Variants in ENTREP2 observed in about 807,000 individuals in gnomAD.
ENTREP2 encodes endosomal transmembrane epsin interactor 2.
the ENTREP2 span, among the ~76,000 whole-genome samples, chr15:29,165,556 A>C: frequency 3.9e-4 from 60 of 152,326 alleles, no homozygotes; most frequent in Non-Finnish European, 6.9e-4. Context: ...GAACACCTTT[A>C]CACACATCAA....
At chr15:29,380,323 C>T in the ENTREP2 span, among the ~76,000 whole-genome samples, 1 of 152,262 alleles carries the variant, frequency 6.6e-6, no homozygotes, top group South Asian at 2.1e-4. Flanking sequence ...CATGGTTACT[C>T]TCATGAAGGA....
chr15:29,463,737 C>G, the ENTREP2 span, among the ~76,000 whole-genome samples: 1 of 152,058 alleles, frequency 6.6e-6, no homozygotes, highest in Non-Finnish European at 1.5e-5. Context: ...AGCAGGAGCT[C>G]TAACAGATAT....
chr15:29,444,347 G>A, the ENTREP2 span, among the ~76,000 whole-genome samples: 24 of 152,296 alleles, frequency 1.6e-4, no homozygotes, highest in African/African-American at 3.8e-4. Flanking sequence ...GTGAAATCAC[G>A]GCTATCCGTT....
the ENTREP2 span, chr15:29,123,638 C>G: frequency 1.9e-6 from 3 of 1,549,234 alleles, no homozygotes; most frequent in Non-Finnish European, 2.6e-6. Flanking sequence ...GCAGCCGTGG[C>G]AGAGCGAGAC....
the ENTREP2 span, among the ~76,000 whole-genome samples, chr15:29,584,181 A>G: frequency 9.0e-6 from 1 of 111,348 alleles, no homozygotes; most frequent in African/African-American, 2.6e-5. Context: ...TTATCCTACA[A>G]ATACAGTAAA....
chr15:29,307,287 C>T, the ENTREP2 span, among the ~76,000 whole-genome samples: 1 of 104,436 alleles, frequency 9.6e-6, no homozygotes, highest in Admixed American at 8.2e-5. Flanking sequence ...CTTCAGCTAA[C>T]ATAAAAAAAA....
the ENTREP2 span, among the ~76,000 whole-genome samples, chr15:29,551,829 C>A: frequency 6.6e-6 from 1 of 152,080 alleles, no homozygotes; most frequent in Non-Finnish European, 1.5e-5. Context: ...AGCAAGTAAA[C>A]AAAACCCTGA....
At chr15:29,241,537 C>T in the ENTREP2 span, among the ~76,000 whole-genome samples, 1 of 152,086 alleles carries the variant, frequency 6.6e-6, no homozygotes, top group African/African-American at 2.4e-5. Context: ...CTTCTTGCAT[C>T]TTTTACAATG....
the ENTREP2 span, among the ~76,000 whole-genome samples, chr15:29,475,150 G>A: frequency 4.6e-5 from 7 of 152,128 alleles, no homozygotes; most frequent in Non-Finnish European, 1.0e-4. Flanking sequence ...AGAATGGTCT[G>A]TGGGACCCCG....
chr15:29,530,139 A>AG, the ENTREP2 span, among the ~76,000 whole-genome samples: 1 of 151,958 alleles, frequency 6.6e-6, no homozygotes, highest in African/African-American at 2.4e-5. Flanking sequence ...CTAGGTGGGG[A>AG]GGGGACGCTC....
the ENTREP2 span, among the ~76,000 whole-genome samples, chr15:29,409,416 C>A: frequency 6.6e-6 from 1 of 151,988 alleles, no homozygotes; most frequent in Non-Finnish European, 1.5e-5. Context: ...ACCTCCACCT[C>A]CTGAGTTCAA....
At chr15:29,588,626 A>G in the ENTREP2 span, among the ~76,000 whole-genome samples, 1 of 151,710 alleles carries the variant, frequency 6.6e-6, no homozygotes, top group East Asian at 1.9e-4. Context: ...AGAAAGACAG[A>G]AGGAAGGAAG....
chr15:29,346,552 T>C, the ENTREP2 span, among the ~76,000 whole-genome samples: 1 of 152,170 alleles, frequency 6.6e-6, no homozygotes, highest in Non-Finnish European at 1.5e-5. Context: ...TCTCCATAAA[T>C]TACTCCCATT....
At chr15:29,264,768 TGA>T in the ENTREP2 span, among the ~76,000 whole-genome samples, 5 of 152,210 alleles carry the variant, frequency 3.3e-5, no homozygotes, top group Non-Finnish European at 5.9e-5. Flanking sequence ...TCTGTAAATT[TGA>T]GGTTATCTCT....
the ENTREP2 span, among the ~76,000 whole-genome samples, chr15:29,293,869 G>A: frequency 6.9e-3 from 1,048 of 152,328 alleles, 10 homozygotes; most frequent in African/African-American, 0.024. Context: ...TTTGGGGTTC[G>A]CTGCCATGCC....
At chr15:29,464,123 G>A in the ENTREP2 span, among the ~76,000 whole-genome samples, 7 of 152,236 alleles carry the variant, frequency 4.6e-5, no homozygotes, top group South Asian at 4.1e-4. Context: ...GATGGATTGC[G>A]GTGGTGGCTG....
At chr15:29,619,993 C>G in the ENTREP2 span, among the ~76,000 whole-genome samples, 1 of 152,112 alleles carries the variant, frequency 6.6e-6, no homozygotes, top group Non-Finnish European at 1.5e-5. Context: ...GTGAGTGGTT[C>G]TGTGTCTGTG....
At chr15:29,139,211 C>T in the ENTREP2 span, among the ~76,000 whole-genome samples, 2 of 152,130 alleles carry the variant, frequency 1.3e-5, no homozygotes, top group Non-Finnish European at 1.5e-5. Flanking sequence ...GGCTGGTGGC[C>T]GTGTCTAAAG....
chr15:29,185,471 T>G, the ENTREP2 span, among the ~76,000 whole-genome samples: 1 of 152,238 alleles, frequency 6.6e-6, no homozygotes, highest in Non-Finnish European at 1.5e-5. Context: ...AGCATGAGTC[T>G]GATGAGTTTT....
Sources: gnomAD v4.1 joint callset for allele counts (sites outside exome capture counted in the v4.1 genomes callset) on GRCh38, gnomAD v4.1.1 for gene constraint, MANE v1.5 for transcripts, NCBI Gene and HGNC (gene_info 2026-07-23, HGNC 2026-07-21) for gene names.